Variants in DLGAP2 observed in about 807,000 individuals in gnomAD.
The protein encoded by DLGAP2 is disks large-associated protein 2.
A neutral mutation model predicts 100.3 loss-of-function variants in DLGAP2; 26 were observed. The observed-to-expected ratio is 0.26, with a 90% confidence interval of 0.19 to 0.36. The LOEUF is 0.36. DLGAP2 is among the 10% of genes least tolerant of loss of function. The probability of loss-of-function intolerance (pLI) is 1.00; values close to 1 mark genes in which losing one functional copy is unlikely to be tolerated. For missense variants in DLGAP2, 1,858 were observed against 1,453.2 expected (o/e 1.28, Z -4.53); for synonymous variants, 886 against 630.1 (o/e 1.41, Z -6.08).
At chr8:1,501,838 G>A (rs1171402039) in intron 4 of DLGAP2, among the ~76,000 whole-genome samples, 3 of 152,164 alleles carry the variant, frequency 2.0e-5, no homozygotes, top group Non-Finnish European at 4.4e-5. Context: ...CCCACACACT[G>A]GGGTCTGGAT....
At chr8:1,288,483 A>AGTGT (rs1165190944) in intron 3 of DLGAP2, among the ~76,000 whole-genome samples, 12 of 102,838 alleles carry the variant, frequency 1.2e-4, no homozygotes, top group Non-Finnish European at 1.6e-4. Context: ...GTTTCAGTTC[A>AGTGT]GTGTGTGTGT....
rs1315787170 is a variant in DLGAP2 at position 1,305,510 on chromosome 8, T to A, written c.106+46627T>A. 2.0e-5 allele frequency among the ~76,000 whole-genome samples: 3 copies of A among 152,242 alleles called. No homozygotes were observed. The East Asian group carries it at 5.8e-4, about 29-fold the overall frequency. On this transcript the variant is annotated intron_variant, in intron 3 of 14. Coordinates refer to ENST00000637795, the MANE Select transcript of DLGAP2 (RefSeq NM_001346810.2). ...TACATTTGTGTGTCTTTCTGTTCTG[T>A]CTGGGTGTGGCCTGAAGGACGAATG...
At chr8:1,676,504 C>G in intron 10 of DLGAP2, 29 bp from the exon 11 acceptor site, 1 of 1,603,198 alleles carries the variant, frequency 6.2e-7, no homozygotes, top group Non-Finnish European at 8.5e-7. Flanking sequence ...TGTTTCAGTT[C>G]TAAAATAAGA....
chr8:983,394 C>T (rs113161618), intron 2 of DLGAP2, among the ~76,000 whole-genome samples: 4 of 148,248 alleles, frequency 2.7e-5, no homozygotes, highest in Non-Finnish European at 4.5e-5. Flanking sequence ...TACAGGTCGT[C>T]GAGATGTTCT....
chr8:1,669,719 C>T (rs1450927517), intron 9 of DLGAP2, 24 bp from the exon 10 acceptor site: 3 of 780,776 alleles, frequency 3.8e-6, no homozygotes, highest in Admixed American at 3.4e-5. Flanking sequence ...GGTCTCCACA[C>T]TGTGGCTTCA....
At chr8:754,574 C>T (rs972117043) in intron 1 of DLGAP2, among the ~76,000 whole-genome samples, 7 of 152,310 alleles carry the variant, frequency 4.6e-5, no homozygotes, top group African/African-American at 1.7e-4. Flanking sequence ...AGTGTGCCTG[C>T]CCAGGTGCGG....
At chr8:780,866 C>G (rs979088968) in intron 1 of DLGAP2, among the ~76,000 whole-genome samples, 1 of 152,182 alleles carries the variant, frequency 6.6e-6, no homozygotes, top group Non-Finnish European at 1.5e-5. Flanking sequence ...TTCCAAGGAT[C>G]CAAAGGAATC....
intron 3 of DLGAP2, among the ~76,000 whole-genome samples, chr8:1,450,747 G>A (rs1054770999): frequency 9.2e-5 from 14 of 152,218 alleles, no homozygotes; most frequent in South Asian, 4.1e-4. Context: ...CGTCCTCCAC[G>A]CAGCATGGCT....
intron 6 of DLGAP2, among the ~76,000 whole-genome samples, chr8:1,602,715 T>G (rs1264830046): frequency 6.6e-6 from 1 of 152,240 alleles, no homozygotes; most frequent in East Asian, 1.9e-4. Context: ...ATTCATTTAT[T>G]CATCCCACAA....
rs1315221013 is a variant in DLGAP2, at chr8:1,701,524, C to G, written c.*118C>G. On this transcript the variant is annotated 3_prime_UTR_variant, in exon 15 of 15. Coordinates refer to ENST00000637795, the MANE Select transcript of DLGAP2 (RefSeq NM_001346810.2). ...CGCTGAACACGTCCTCGCTCCCGCG[C>G]TCCCCGCGCCCCGGACACAGCGGGA... 3 of 1,136,402 alleles carry G rather than the reference C, an allele frequency of 2.6e-6. No homozygotes were observed. The highest frequency in any genetic ancestry group is 2.8e-5 in the Admixed American group (1 of 35,426). 70.4% of individuals were successfully genotyped at this position (1,136,402 alleles called of 1,614,324 possible). A position where few individuals can be genotyped will look rare whatever the true frequency, so the allele number is the denominator to read the frequency against.
chr8:1,269,266 C>T (rs990191560), intron 3 of DLGAP2, among the ~76,000 whole-genome samples: 3 of 152,126 alleles, frequency 2.0e-5, no homozygotes, highest in Non-Finnish European at 2.9e-5. Flanking sequence ...TGCTGGGTGC[C>T]GGGAGGAGGA....
rs76370100 is a variant in DLGAP2 at position 1,663,719 on chromosome 8, A to C, written c.1811-4610A>C. On this transcript the variant is annotated intron_variant, in intron 8 of 14. Coordinates refer to ENST00000637795, the MANE Select transcript of DLGAP2 (RefSeq NM_001346810.2). ...TGTGAGTCTGTGGATCCTGTAAGTGAAACTCAACTGCAGGGAGTGGTAAAA... is the reference window on the plus strand; with the variant it reads ...TGTGAGTCTGTGGATCCTGTAAGTGCAACTCAACTGCAGGGAGTGGTAAAA... 6.3e-3 allele frequency among the ~76,000 whole-genome samples: 965 copies of C among 152,244 alleles called. 10 individuals carry two copies. The highest frequency in any genetic ancestry group is 0.021 in the African/African-American group (872 of 41,536).
At chr8:1,375,031 T>C (rs924414099) in intron 3 of DLGAP2, among the ~76,000 whole-genome samples, 2 of 152,220 alleles carry the variant, frequency 1.3e-5, no homozygotes, top group African/African-American at 4.8e-5. Context: ...GGGAGCATGC[T>C]ACTGAGGTGC....
intron 4 of DLGAP2, among the ~76,000 whole-genome samples, chr8:1,529,925 G>C (rs1385681021): frequency 6.6e-6 from 1 of 152,206 alleles, no homozygotes; most frequent in Non-Finnish European, 1.5e-5. Flanking sequence ...AGGGGAGGGA[G>C]TGTGCGAATA....
intron 3 of DLGAP2, among the ~76,000 whole-genome samples, chr8:1,405,283 C>A (rs1291438475): frequency 1.2e-4 from 1 of 8,634 alleles, no homozygotes; most frequent in Non-Finnish European, 2.1e-4. Flanking sequence ...GCTTACTGAG[C>A]GCTCCCTCCT....
intron 2 of DLGAP2, among the ~76,000 whole-genome samples, chr8:1,163,305 C>T (rs1411476296): frequency 6.6e-6 from 1 of 152,242 alleles, no homozygotes; most frequent in Non-Finnish European, 1.5e-5. Context: ...ACCACGCGGG[C>T]TGTGCCGCAC....
At chr8:1,630,712 A>G (rs1010686271) in intron 7 of DLGAP2, among the ~76,000 whole-genome samples, 3 of 152,102 alleles carry the variant, frequency 2.0e-5, no homozygotes, top group African/African-American at 7.2e-5. Flanking sequence ...GAAAAAAAAA[A>G]AAAAGTTTGC....
intron 2 of DLGAP2, among the ~76,000 whole-genome samples, chr8:1,213,654 G>A (rs984375529): frequency 1.3e-5 from 2 of 152,056 alleles, no homozygotes; most frequent in Admixed American, 1.3e-4. Context: ...TCTTTCTCTG[G>A]GCTCTGATCC....
chr8:1,207,962 A>G (rs188853396), intron 2 of DLGAP2, among the ~76,000 whole-genome samples: 2 of 152,092 alleles, frequency 1.3e-5, no homozygotes, highest in East Asian at 1.9e-4. Context: ...GATTCTGGAT[A>G]TGAGTCCTTT....
Sources: allele counts gnomAD v4.1 joint callset (sites outside exome capture counted in the v4.1 genomes callset), GRCh38; gene constraint gnomAD v4.1.1; transcripts MANE v1.5; gene names NCBI Gene and HGNC (gene_info 2026-07-23, HGNC 2026-07-21).